The following DLG2 variants were observed in gnomAD, a reference collection of about 807,000 sequenced individuals.
DLG2 encodes the protein discs large MAGUK scaffold protein 2.
A neutral mutation model predicts 132.5 loss-of-function variants in DLG2; 45 were observed. The ratio of observed to expected loss-of-function variants is 0.34; its 90% CI spans 0.27 to 0.44. The LOEUF is 0.44. DLG2 is among the 20% of genes least tolerant of loss of function. DLG2 has a pLI of 1.00. For missense variants in DLG2, 1,045 were observed against 1,196.9 expected (o/e 0.87, Z 1.87); for synonymous variants, 424 against 419.6 (o/e 1.01, Z -0.13).
At chr11:85,378,137 T>C (rs2085581430) in intron 3 of DLG2, among the ~76,000 whole-genome samples, 2 of 152,042 alleles carry the variant, frequency 1.3e-5, no homozygotes, top group South Asian at 4.2e-4. Flanking sequence ...TCATGGAAAA[T>C]ATTGTCTTTT....
intron 6 of DLG2, among the ~76,000 whole-genome samples, chr11:84,959,911 A>C (rs1258402093): frequency 6.6e-6 from 1 of 152,218 alleles, no homozygotes. Flanking sequence ...CTGGTTAAGT[A>C]AAGGCTTAGA....
intron 6 of DLG2, among the ~76,000 whole-genome samples, chr11:84,557,832 C>G (rs1020074624): frequency 6.6e-5 from 10 of 152,032 alleles, no homozygotes; most frequent in Non-Finnish European, 1.2e-4. Flanking sequence ...GGGTCTTAGA[C>G]TATATGCATC....
At chr11:84,862,645 AAAG>A (rs1379992694) in intron 6 of DLG2, among the ~76,000 whole-genome samples, 2 of 152,148 alleles carry the variant, frequency 1.3e-5, no homozygotes, top group African/African-American at 2.4e-5. Flanking sequence ...CAGTCATAAA[AAAG>A]AAGAATTCAT....
chr11:84,161,090 T>C (rs1197843485), intron 9 of DLG2, among the ~76,000 whole-genome samples: 1 of 152,210 alleles, frequency 6.6e-6, no homozygotes, highest in Non-Finnish European at 1.5e-5. Flanking sequence ...TGAGTGAGTG[T>C]TTCTCTAGCC....
At chr11:85,540,077 A>G (rs1223264379) in intron 3 of DLG2, among the ~76,000 whole-genome samples, 1 of 152,232 alleles carries the variant, frequency 6.6e-6, no homozygotes, top group Non-Finnish European at 1.5e-5. Context: ...TGCTTTAGAT[A>G]CAATCATACT....
intron 5 of DLG2, among the ~76,000 whole-genome samples, chr11:85,128,599 G>T (rs1200074621): frequency 6.6e-6 from 1 of 152,020 alleles, no homozygotes; most frequent in African/African-American, 2.4e-5. Flanking sequence ...ATTAAATTAG[G>T]CAGAATATTC....
intron 19 of DLG2, among the ~76,000 whole-genome samples, chr11:83,593,436 T>C (rs1173949605): frequency 1.3e-5 from 2 of 151,776 alleles, no homozygotes; most frequent in South Asian, 2.1e-4. Context: ...CAGGTGGGAA[T>C]TGAACAATGA....
chr11:85,310,224 AACACCCTTTGT>A (rs1435890567), intron 3 of DLG2, among the ~76,000 whole-genome samples: 1 of 152,202 alleles, frequency 6.6e-6, no homozygotes, highest in East Asian at 1.9e-4. Flanking sequence ...GAGAATATCT[AACACCCTTTGT>A]CTAATTCTTT....
intron 8 of DLG2, among the ~76,000 whole-genome samples, chr11:84,165,733 A>C (rs2095647175): frequency 6.6e-6 from 1 of 152,136 alleles, no homozygotes; most frequent in Non-Finnish European, 1.5e-5. Context: ...CCCCGTCTCT[A>C]CTAAAAATAC....
At chr11:85,319,706 G>T (rs1266887501) in intron 3 of DLG2, among the ~76,000 whole-genome samples, 1 of 151,732 alleles carries the variant, frequency 6.6e-6, no homozygotes, top group East Asian at 1.9e-4. Flanking sequence ...GGTCACTGAG[G>T]CACCATTCCT....
At chr11:85,156,920 T>C (rs2077628362) in intron 4 of DLG2, among the ~76,000 whole-genome samples, 2 of 152,218 alleles carry the variant, frequency 1.3e-5, no homozygotes, top group African/African-American at 4.8e-5. Context: ...TCAACTTGAT[T>C]GGACTGAAGG....
At chr11:84,154,909 C>A (rs1025562831) in intron 9 of DLG2, among the ~76,000 whole-genome samples, 7 of 152,024 alleles carry the variant, frequency 4.6e-5, no homozygotes, top group Non-Finnish European at 4.4e-5. Context: ...CCAAAATTGA[C>A]AAATGGTATC....
chr11:84,868,634 C>A (rs2084994589), intron 6 of DLG2, among the ~76,000 whole-genome samples: 1 of 151,996 alleles, frequency 6.6e-6, no homozygotes, highest in African/African-American at 2.4e-5. Context: ...TTGTAAACAT[C>A]TGACGAGGCA....
chr11:83,639,327 G>C (rs907749363), intron 18 of DLG2, among the ~76,000 whole-genome samples: 6 of 152,152 alleles, frequency 3.9e-5, no homozygotes, highest in African/African-American at 1.4e-4. Context: ...GTTATGGCTG[G>C]CTGCATAGTA....
At chr11:84,549,943 A>G (rs2099398422) in intron 6 of DLG2, among the ~76,000 whole-genome samples, 1 of 152,010 alleles carries the variant, frequency 6.6e-6, no homozygotes, top group Non-Finnish European at 1.5e-5. Context: ...TTAAGTAGAG[A>G]CAGTGTTTCT....
rs937809840 is a variant in DLG2, at chr11:84,256,984, A to G, written c.520-5693T>C. Among the ~76,000 whole-genome samples, 9 of 152,222 alleles carry G rather than the reference A, an allele frequency of 5.9e-5. No homozygotes were observed. The East Asian group carries it at 1.7e-3, about 29-fold the overall frequency. ...CATCGGGATGAGCCCCAGTCAGACC[A>G]TATGCTAATCCTGGCTAGGGAAGTA... On this transcript the variant is annotated intron_variant, in intron 7 of 27. Transcript: ENST00000376104.
chr11:85,508,299 C>A (rs1156778484), intron 3 of DLG2, among the ~76,000 whole-genome samples: 1 of 152,016 alleles, frequency 6.6e-6, no homozygotes, highest in Admixed American at 6.6e-5. Context: ...GCTGCAGCCA[C>A]AGTGACATGC....
intron 6 of DLG2, among the ~76,000 whole-genome samples, chr11:84,696,632 C>T (rs975075740): frequency 6.6e-6 from 1 of 151,424 alleles, no homozygotes; most frequent in Non-Finnish European, 1.5e-5. Context: ...GAAGCAAAAA[C>T]AAGACAGACT....
At chr11:84,058,181 T>A (rs1021371109) in intron 11 of DLG2, among the ~76,000 whole-genome samples, 13 of 152,148 alleles carry the variant, frequency 8.5e-5, no homozygotes, top group Admixed American at 6.6e-4. Flanking sequence ...AGAGATTAAA[T>A]AGATTTTAAA....
Sources: allele counts gnomAD v4.1 joint callset (sites outside exome capture counted in the v4.1 genomes callset), GRCh38; gene constraint gnomAD v4.1.1; transcripts MANE v1.5; gene names NCBI Gene and HGNC (gene_info 2026-07-23, HGNC 2026-07-21).